EPHB1: variants seen among roughly 807,000 people sequenced by gnomAD.
The protein encoded by EPHB1 is ephrin type-B receptor 1.
In EPHB1, 30 loss-of-function variants were observed where a neutral mutation model predicts 94.4. The observed-to-expected ratio is 0.32, with a 90% confidence interval of 0.24 to 0.43. The LOEUF (loss-of-function observed/expected upper bound fraction) is 0.43. EPHB1 is among the 20% of genes least tolerant of loss of function. The probability of loss-of-function intolerance (pLI) is 1.00; values close to 1 mark genes in which losing one functional copy is unlikely to be tolerated. For synonymous variants in EPHB1, 522 were observed against 489.1 expected, an observed-to-expected ratio of 1.07 and a Z score of -0.89; for missense variants, 1,055 against 1,308.3, an observed-to-expected ratio of 0.81 and a Z score of 2.99.
At chr3:135,103,108 G>A (rs1017798177) in intron 3 of EPHB1, among the ~76,000 whole-genome samples, 20 of 151,586 alleles carry the variant, frequency 1.3e-4, no homozygotes, top group African/African-American at 3.9e-4. Context: ...AAACCTGCAC[G>A]TTCTGCACAT....
chr3:134,979,087 C>A (rs1425639142), intron 3 of EPHB1, among the ~76,000 whole-genome samples: 9 of 152,150 alleles, frequency 5.9e-5, no homozygotes, highest in Admixed American at 5.9e-4. Context: ...GAAACAAAAT[C>A]AAAATGTTAG....
At chr3:134,829,827 C>T (rs2036548735) in intron 1 of EPHB1, among the ~76,000 whole-genome samples, 1 of 152,114 alleles carries the variant, frequency 6.6e-6, no homozygotes, top group African/African-American at 2.4e-5. Context: ...CAGACATGCA[C>T]ACAGGGAGTG....
intron 1 of EPHB1, among the ~76,000 whole-genome samples, chr3:134,909,034 G>A (rs1161170826): frequency 2.7e-5 from 4 of 148,650 alleles, no homozygotes; most frequent in Non-Finnish European, 4.4e-5. Context: ...CTTTTTCGCT[G>A]GGCTGATCAG....
At chr3:134,950,077 G>A (rs950094695) in intron 2 of EPHB1, among the ~76,000 whole-genome samples, 33 of 152,192 alleles carry the variant, frequency 2.2e-4, no homozygotes, top group Non-Finnish European at 4.4e-4. Context: ...ATATAAGCAT[G>A]GGTGAGTTGC....
At chr3:134,943,664 T>A (rs1303974283) in intron 2 of EPHB1, among the ~76,000 whole-genome samples, 2 of 152,196 alleles carry the variant, frequency 1.3e-5, no homozygotes, top group East Asian at 3.9e-4. Context: ...AGGTCCTCAG[T>A]ATCAGTGATA....
At chr3:135,225,606 G>A (rs1943375319) in intron 12 of EPHB1, among the ~76,000 whole-genome samples, 2 of 152,138 alleles carry the variant, frequency 1.3e-5, no homozygotes, top group Non-Finnish European at 2.9e-5. Flanking sequence ...TGACTCTCAA[G>A]ATTCCATAAA....
At chr3:135,250,880 A>G (rs987626033) in intron 15 of EPHB1, among the ~76,000 whole-genome samples, 27 of 152,198 alleles carry the variant, frequency 1.8e-4, no homozygotes, top group African/African-American at 6.5e-4. Flanking sequence ...CAATGGGCAC[A>G]GTGCAAGGTG....
intron 7 of EPHB1, among the ~76,000 whole-genome samples, chr3:135,164,095 A>G (rs1485984907): frequency 6.6e-6 from 1 of 152,218 alleles, no homozygotes; most frequent in Non-Finnish European, 1.5e-5. Context: ...TTCATATTAC[A>G]TTATGAAGTT....
At chr3:135,079,728 G>A (rs557141586) in intron 3 of EPHB1, among the ~76,000 whole-genome samples, 1 of 152,206 alleles carries the variant, frequency 6.6e-6, no homozygotes, top group African/African-American at 2.4e-5. Context: ...TGAGTGTGTG[G>A]TTGTATGTAT....
chr3:134,817,327 G>A (rs767525715), intron 1 of EPHB1, among the ~76,000 whole-genome samples: 4 of 152,142 alleles, frequency 2.6e-5, no homozygotes, highest in Non-Finnish European at 4.4e-5. Context: ...AATTCTAGTC[G>A]TCACAGCTCC....
At chr3:135,008,984 C>T (rs1308633924) in intron 3 of EPHB1, among the ~76,000 whole-genome samples, 1 of 152,198 alleles carries the variant, frequency 6.6e-6, no homozygotes, top group Non-Finnish European at 1.5e-5. Context: ...GGTGTGGTCA[C>T]AGGGGCGTGG....
At chr3:135,249,961 G>A (rs1032587439) in intron 15 of EPHB1, among the ~76,000 whole-genome samples, 5 of 152,198 alleles carry the variant, frequency 3.3e-5, no homozygotes, top group Non-Finnish European at 7.3e-5. Context: ...CCAGTCTGTG[G>A]CTCCCTCAGG....
chr3:134,827,388 CAT>C lies in EPHB1; in HGVS notation c.58+31701_58+31702del, dbSNP rs534277404. Among the ~76,000 whole-genome samples the C allele has an allele frequency of 4.9e-3, 709 of 145,420 alleles. 7 individuals are homozygous for C. Among genetic ancestry groups the C allele is most frequent in the South Asian group, 0.027 (125 of 4,602 alleles). The stretch of plus-strand genomic sequence containing the variant: ...GCACACACACACACACACACACACA[CAT>C]ACACACACACTCCTTATGGGCTTCT... On this transcript the variant is annotated intron_variant, in intron 1 of 15. Coordinates refer to ENST00000398015, the MANE Select transcript of EPHB1 (RefSeq NM_004441.5).
chr3:134,829,797 A>C (rs1488864927), intron 1 of EPHB1, among the ~76,000 whole-genome samples: 1 of 152,198 alleles, frequency 6.6e-6, no homozygotes, highest in African/African-American at 2.4e-5. Flanking sequence ...GTGTCCTTAT[A>C]AAAATGGGAA....
At position 135,007,094 on chromosome 3, in the gene EPHB1, A is replaced by G. The variant is rs112941740; in HGVS notation, c.805+55042A>G. Reference sequence around the variant, plus strand: ...AGGAAGGCTGGCTGCCTGGGATATGAAAGATCTGATTTAGTCTACCTCCTT... The same window carrying G: ...AGGAAGGCTGGCTGCCTGGGATATGGAAGATCTGATTTAGTCTACCTCCTT... On this transcript the variant is annotated intron_variant, in intron 3 of 15. Transcript: ENST00000398015. Among the ~76,000 whole-genome samples the G allele has an allele frequency of 7.0e-3, 1,060 of 152,300 alleles. 15 individuals are homozygous for G. Among genetic ancestry groups the G allele is most frequent in the African/African-American group, 0.024 (987 of 41,576 alleles).
At chr3:134,864,534 T>A (rs6439529) in intron 1 of EPHB1, among the ~76,000 whole-genome samples, 37,114 of 152,100 alleles carry the variant, frequency 0.24, 5,706 homozygotes, top group African/African-American at 0.44. Flanking sequence ...CCTTTTTCTC[T>A]CCTCTTAATA....
rs142736332 is a variant in EPHB1 at position 135,072,569 on chromosome 3, C to T, written c.806-33879C>T. Among the ~76,000 whole-genome samples the T allele has an allele frequency of 9.9e-3, 1,501 of 152,266 alleles. 14 individuals are homozygous for T. The highest frequency in any genetic ancestry group is 0.024 in the Middle Eastern group (7 of 294). ...GCTGCAGCCACAGCAGACTTCCCGC[C>T]GATCCCCACCACCAGCCTCACTCCT... On this transcript the variant is annotated intron_variant, in intron 3 of 15. Coordinates refer to ENST00000398015, the MANE Select transcript of EPHB1 (RefSeq NM_004441.5).
At chr3:135,016,706 A>G (rs917572010) in intron 3 of EPHB1, among the ~76,000 whole-genome samples, 1 of 152,240 alleles carries the variant, frequency 6.6e-6, no homozygotes, top group African/African-American at 2.4e-5. Context: ...AGGCTCCCCT[A>G]CATGGCAGCG....
At chr3:135,171,475 A>T (rs1330791655) in intron 9 of EPHB1, among the ~76,000 whole-genome samples, 1 of 152,190 alleles carries the variant, frequency 6.6e-6, no homozygotes, top group Non-Finnish European at 1.5e-5. Context: ...TCGAGTGTGT[A>T]GGTAACATTT....
Sources: allele counts gnomAD v4.1 joint callset (sites outside exome capture counted in the v4.1 genomes callset), GRCh38; gene constraint gnomAD v4.1.1; transcripts MANE v1.5; gene names NCBI Gene and HGNC (gene_info 2026-07-23, HGNC 2026-07-21).